The following PCDHGA3 variants were observed in gnomAD, a reference collection of about 807,000 sequenced individuals.
PCDHGA3 encodes the protein protocadherin gamma subfamily A, 3.
In PCDHGA3, 40 loss-of-function variants were observed where a neutral mutation model predicts 58.5. The ratio of observed to expected loss-of-function variants is 0.68; its 90% CI spans 0.53 to 0.89. The LOEUF (loss-of-function observed/expected upper bound fraction) is 0.89, where lower values mean the gene tolerates loss of function less well. PCDHGA3 is among the 40% of genes least tolerant of loss of function. PCDHGA3 has a pLI of 0.00. For synonymous variants in PCDHGA3, 530 were observed against 525.7 expected, an observed-to-expected ratio of 1.01 and a Z score of -0.11; for missense variants, 1,223 against 1,195.9, an observed-to-expected ratio of 1.02 and a Z score of -0.33.
chr5:141,415,740 GTTTTTTTTTTTT>G lies in PCDHGA3; in HGVS notation c.2424+69304_2424+69315del, dbSNP rs57426385. ...TGAGTAGAATTTGATGTTTATTAAGGTTTTTTTTTTTTTTTTTTTTTTTTTTTTTTTTACTTT... is the reference window on the plus strand; with the variant it reads ...TGAGTAGAATTTGATGTTTATTAAGGTTTTTTTTTTTTTTTTTTTTACTTT... On this transcript the variant is annotated intron_variant, in intron 1 of 3. Transcript: ENST00000253812. The G allele has an allele frequency of 5.3e-4, 329 of 624,896 alleles. 2 individuals are homozygous for G. Among genetic ancestry groups the G allele is most frequent in the African/African-American group, 1.2e-3 (49 of 39,888 alleles). The allele number at this position is 624,896 out of a possible 1,614,324, so 38.7% of individuals were successfully genotyped here.
intron 1 of PCDHGA3, chr5:141,366,217 G>A: frequency 1.9e-6 from 3 of 1,613,788 alleles, no homozygotes; most frequent in South Asian, 2.2e-5. Context: ...TGCGCACAGC[G>A]CGAGCCCTGC....
chr5:141,389,669 C>T (rs747451761), intron 1 of PCDHGA3: 14 of 1,612,326 alleles, frequency 8.7e-6, no homozygotes, highest in Non-Finnish European at 9.3e-6. Flanking sequence ...TGGACGCAGA[C>T]TCAGGACACA....
At chr5:141,385,259 A>G (rs1202101252) in intron 1 of PCDHGA3, 2 of 1,613,774 alleles carry the variant, frequency 1.2e-6, no homozygotes, top group Middle Eastern at 1.6e-4. Context: ...AGCTGTGAGA[A>G]AAATGATTCT....
At chr5:141,352,896 G>A (rs1463239890) in intron 1 of PCDHGA3, among the ~76,000 whole-genome samples, 5 of 152,206 alleles carry the variant, frequency 3.3e-5, no homozygotes, top group Non-Finnish European at 7.3e-5. Context: ...GCTGAGACAG[G>A]AGGATCGCTT....
At chr5:141,462,984 T>G (rs1349170605) in intron 1 of PCDHGA3, among the ~76,000 whole-genome samples, 1 of 152,156 alleles carries the variant, frequency 6.6e-6, no homozygotes, top group African/African-American at 2.4e-5. Context: ...ACTTTTGCCT[T>G]GGGCTAATTT....
At chr5:141,498,964 G>A (rs1342764380) in intron 2 of PCDHGA3, among the ~76,000 whole-genome samples, 2 of 127,572 alleles carry the variant, frequency 1.6e-5, no homozygotes, top group Admixed American at 8.7e-5. Context: ...AGAGAGGGAG[G>A]GAGGGAGGGA....
intron 1 of PCDHGA3, among the ~76,000 whole-genome samples, chr5:141,397,821 T>C (rs1225096146): frequency 2.0e-5 from 3 of 152,238 alleles, no homozygotes; most frequent in African/African-American, 7.2e-5. Context: ...AAACAATTAC[T>C]GCACTGGTTA....
Position 141,398,413 on chromosome 5 carries a change from T to C in PCDHGA3, c.2424+51956T>C, listed in dbSNP as rs774602022. On this transcript the variant is annotated intron_variant, in intron 1 of 3. Transcript: ENST00000253812. ...CAGCAGGCTAGACAGGGAGGAGATA[T>C]GCGGGAAGAAGCCAGCTTGTGCTCT... 7.0e-5 allele frequency: 104 copies of C among 1,490,692 alleles called. 1 individual carries two copies. Among genetic ancestry groups the C allele is most frequent in the Middle Eastern group, 6.1e-4 (3 of 4,950 alleles). The allele number at this position is 1,490,692 out of a possible 1,614,324, so 92.3% of individuals were successfully genotyped here.
At chr5:141,463,796 G>T (rs139760353) in intron 1 of PCDHGA3, among the ~76,000 whole-genome samples, 3 of 152,114 alleles carry the variant, frequency 2.0e-5, no homozygotes, top group Non-Finnish European at 2.9e-5. Flanking sequence ...TTGAACAAAT[G>T]TCTAAAAGCT....
At position 141,430,258 on chromosome 5, in the gene PCDHGA3, A is replaced by G. The variant is rs542653323; in HGVS notation, c.2425-64549A>G. On this transcript the variant is annotated intron_variant, in intron 1 of 3. Coordinates refer to ENST00000253812, the MANE Select transcript of PCDHGA3 (RefSeq NM_018916.4). ...GAGAAACTCCTAGGGAGACATCTCC[A>G]TAATAGGTGTGTTGGGGGAACAGTA... is the stretch of plus-strand genomic sequence containing the variant. Among the ~76,000 whole-genome samples the G allele has an allele frequency of 5.4e-5, 8 of 148,074 alleles. No homozygotes were observed. In the South Asian group the frequency reaches 8.5e-4, roughly 16 times the overall value.
Position 141,404,574 on chromosome 5 carries a change from C to G in PCDHGA3, c.2424+58117C>G, listed in dbSNP as rs185791741. 3 of 1,613,908 alleles carry G rather than the reference C, an allele frequency of 1.9e-6. No individual in the cohort carries two copies. The East Asian group carries it at 6.7e-5, about 36-fold the overall frequency. The stretch of plus-strand genomic sequence containing the variant: ...ACGGCAAGTGACAGTGGAAGCCCAC[C>G]ACTTAGCAGCAATGTGTCATTGAGA... On this transcript the variant is annotated intron_variant, in intron 1 of 3. Coordinates refer to ENST00000253812, the MANE Select transcript of PCDHGA3 (RefSeq NM_018916.4).
chr5:141,455,343 G>T (rs1462807460), intron 1 of PCDHGA3, among the ~76,000 whole-genome samples: 1 of 152,036 alleles, frequency 6.6e-6, no homozygotes, highest in Non-Finnish European at 1.5e-5. Flanking sequence ...TTTAAGGAGC[G>T]GAGAGTTTAA....
intron 1 of PCDHGA3, chr5:141,374,760 C>T (rs1255992375): frequency 6.2e-7 from 1 of 1,613,440 alleles, no homozygotes; most frequent in South Asian, 1.1e-5. Context: ...TCAAGCGTCG[C>T]CCAAATTCTG....
intron 1 of PCDHGA3, chr5:141,400,321 G>T (rs190006023): frequency 1.9e-6 from 3 of 1,614,064 alleles, no homozygotes; most frequent in East Asian, 2.2e-5. Context: ...TGTCAAGTCT[G>T]GACCTGTGGT....
chr5:141,366,284 C>A (rs941616031), intron 1 of PCDHGA3: 1 of 1,613,596 alleles, frequency 6.2e-7, no homozygotes, highest in African/African-American at 1.3e-5. Flanking sequence ...CCATGGCCAG[C>A]CCCCTCTGTC....
chr5:141,457,168 C>T (rs10072917), intron 1 of PCDHGA3, among the ~76,000 whole-genome samples: 42,426 of 152,004 alleles, frequency 0.28, 6,644 homozygotes, highest in African/African-American at 0.43. Context: ...ATGGATAACC[C>T]TATTGCAAAT....
intron 1 of PCDHGA3, chr5:141,395,037 G>A: frequency 1.9e-6 from 3 of 1,614,134 alleles, no homozygotes; most frequent in Non-Finnish European, 2.5e-6. Flanking sequence ...ACATTTTGTG[G>A]GTGTTGAGGA....
intron 1 of PCDHGA3, chr5:141,415,531 C>G (rs777787905): frequency 1.2e-6 from 2 of 1,614,030 alleles, no homozygotes; most frequent in Non-Finnish European, 1.7e-6. Context: ...GCTCATCAGC[C>G]AGGAGAGCTG....
At position 141,432,778 on chromosome 5, in the gene PCDHGA3, G is replaced by T; in HGVS notation, c.2425-62029G>T. The T allele has an allele frequency of 3.7e-6, 6 of 1,614,166 alleles. No individual in the cohort carries two copies. Among genetic ancestry groups the T allele is most frequent in the Non-Finnish European group, 5.1e-6 (6 of 1,180,002 alleles). ...CCGACAGCATCCCCCAAGTCCTGGCGGACCTCGGCAGCCTCGAGTCTCCAG... is the reference window on the plus strand; with the variant it reads ...CCGACAGCATCCCCCAAGTCCTGGCTGACCTCGGCAGCCTCGAGTCTCCAG... On this transcript the variant is annotated intron_variant, in intron 1 of 3. Transcript: ENST00000253812. The surrounding 1 kb of genome is among the most constrained non-coding windows in gnomAD (Gnocchi z 6.0).
Sources: allele counts gnomAD v4.1 joint callset (sites outside exome capture counted in the v4.1 genomes callset), GRCh38; gene constraint gnomAD v4.1.1; non-coding constraint Gnocchi (gnomAD v3.1); transcripts MANE v1.5; gene names NCBI Gene and HGNC (gene_info 2026-07-23, HGNC 2026-07-21).